ATAD1: variants seen among roughly 807,000 people sequenced by gnomAD.
The protein encoded by ATAD1 is outer mitochondrial transmembrane helix translocase.
ATAD1 carries 18 observed loss-of-function variants against 42.7 expected under a neutral mutation model. The ratio of observed to expected loss-of-function variants is 0.42; its 90% CI spans 0.29 to 0.63. ATAD1 has a LOEUF of 0.63. Ranked by LOEUF, ATAD1 falls within the 20% of genes least tolerant of loss-of-function variation. The pLI is 0.19. For missense variants in ATAD1, 294 were observed against 440.4 expected, an observed-to-expected ratio of 0.67 and a Z score of 2.98; for synonymous variants, 132 against 143.1, an observed-to-expected ratio of 0.92 and a Z score of 0.55.
intron 6 of ATAD1, among the ~76,000 whole-genome samples, chr10:87,772,162 T>G (rs757855594): frequency 1.3e-5 from 2 of 152,180 alleles, no homozygotes; most frequent in Non-Finnish European, 2.9e-5. Flanking sequence ...TAAGTGGTCC[T>G]AAAATCAAAA....
intron 1 of ATAD1, among the ~76,000 whole-genome samples, chr10:87,835,642 A>G (rs915287310): frequency 1.3e-5 from 2 of 152,056 alleles, no homozygotes; most frequent in Non-Finnish European, 2.9e-5. Flanking sequence ...GTGTTTTTCC[A>G]TTTAATGTAA....
intron 1 of ATAD1, among the ~76,000 whole-genome samples, chr10:87,827,136 T>C (rs1305219279): frequency 1.3e-5 from 2 of 152,244 alleles, no homozygotes; most frequent in Non-Finnish European, 2.9e-5. Flanking sequence ...TATGGCTGTT[T>C]TATTCAGTAT....
intron 1 of ATAD1, among the ~76,000 whole-genome samples, chr10:87,825,271 A>G (rs1857703964): frequency 6.7e-6 from 1 of 150,282 alleles, no homozygotes; most frequent in South Asian, 2.1e-4. Flanking sequence ...AGAAGTCAAT[A>G]CTTTGCATGT....
At position 87,818,168 on chromosome 10, in the gene ATAD1, CA is replaced by C. The variant is rs1035167392; in HGVS notation, c.-16del. 1 of 985,686 alleles carries C rather than the reference CA, an allele frequency of 1.0e-6. No homozygotes were observed. The highest frequency in any genetic ancestry group is 1.2e-6 in the Non-Finnish European group (1 of 830,098). The allele number at this position is 985,686 out of a possible 1,614,324, so 61.1% of individuals were successfully genotyped here. A position where few individuals can be genotyped will look rare whatever the true frequency, so the allele number is the denominator to read the frequency against. The stretch of plus-strand genomic sequence containing the variant: ...GCCCCACGGGAACCAGCTACTCACC[CA>C]GGGGCAGAAACAGCAAGAGCAAGTG... On this transcript the variant is annotated splice_region_variant and 5_prime_UTR_variant, in exon 1 of 10. Transcript: ENST00000680024.
upstream of ATAD1, chr10:87,818,667 C>T (rs1480361204): frequency 6.6e-6 from 1 of 152,366 alleles, no homozygotes; most frequent in Non-Finnish European, 1.5e-5. Flanking sequence ...TATGGCCACC[C>T]TCCACTCCTC....
chr10:87,774,446 T>A (rs1380487800), intron 6 of ATAD1, among the ~76,000 whole-genome samples: 1 of 152,148 alleles, frequency 6.6e-6, no homozygotes, highest in Non-Finnish European at 1.5e-5. Context: ...ATTAGAAACA[T>A]GAGTAATAAG....
At chr10:87,787,600 CTG>C (rs958895699) in intron 4 of ATAD1, among the ~76,000 whole-genome samples, 1 of 152,070 alleles carries the variant, frequency 6.6e-6, no homozygotes, top group Non-Finnish European at 1.5e-5. Flanking sequence ...CAGTAAGACT[CTG>C]TCTCCAAAAA....
chr10:87,757,957 G>A (rs1355035051), intron 8 of ATAD1, among the ~76,000 whole-genome samples: 1 of 152,190 alleles, frequency 6.6e-6, no homozygotes, highest in Admixed American at 6.5e-5. Flanking sequence ...GATAAATCAT[G>A]TTTTTTGATA....
Position 87,754,189 on chromosome 10 carries a change from T to C in ATAD1, c.*498A>G, listed in dbSNP as rs1259112589. 6.6e-6 allele frequency: 1 copy of C among 152,668 alleles called. No homozygotes were observed. The highest frequency in any genetic ancestry group is 1.5e-5 in the Non-Finnish European group (1 of 68,042). The allele number at this position is 152,668 out of a possible 1,614,324, so 9.5% of individuals were successfully genotyped here. A position where few individuals can be genotyped will look rare whatever the true frequency, so the allele number is the denominator to read the frequency against. On this transcript the variant is annotated 3_prime_UTR_variant, in exon 10 of 10. Transcript: ENST00000680024. ...AACCTTAAATCTTAGTTTTACTATA[T>C]ATTATTTGGTACTCCTGGATTCAGT...
At chr10:87,761,397 C>G (rs769128841) in intron 8 of ATAD1, among the ~76,000 whole-genome samples, 1 of 152,156 alleles carries the variant, frequency 6.6e-6, no homozygotes, top group Non-Finnish European at 1.5e-5. Context: ...TGGGATGGCT[C>G]ATGCTTGTAA....
intron 5 of ATAD1, among the ~76,000 whole-genome samples, chr10:87,783,166 C>T (rs1056707846): frequency 1.3e-5 from 2 of 151,954 alleles, no homozygotes; most frequent in Non-Finnish European, 2.9e-5. Flanking sequence ...GATTGCTTGG[C>T]CCCAAGAGTT....
chr10:87,758,427 T>A (rs1023142632), intron 8 of ATAD1, among the ~76,000 whole-genome samples: 18 of 152,022 alleles, frequency 1.2e-4, no homozygotes, highest in African/African-American at 4.3e-4. Flanking sequence ...AGAAAAAGCA[T>A]AATAAATGGA....
In ATAD1 at chr10:87,756,805, A is replaced by G; in HGVS notation, c.949T>C (p.Ser317Pro). Residue 317 changes from serine (S) to proline (P), a missense_variant, in exon 9 of 10, where the codon TCT becomes CCT. Physicochemically the swap from Ser to Pro is moderately conservative, Grantham distance 74 (BLOSUM62 -1). Around this residue, in one of 3 missense-constraint regions of ATAD1, gnomAD observed 142 missense variants for 174.6 expected, o/e 0.81. Coordinates refer to ENST00000680024, the MANE Select transcript of ATAD1 (RefSeq NM_001321967.2). ...ALLCVREYVN[S>P]TSEESHDEDE... ...ATAACATACCTTTCTTCTGATGTAG[A>G]ATTAACATATTCTCTAACACAGAGG... 6.2e-7 allele frequency: 1 copy of G among 1,604,782 alleles called. No homozygotes were observed.
chr10:87,765,010 A>C (rs1301542706), intron 8 of ATAD1, among the ~76,000 whole-genome samples: 1 of 152,208 alleles, frequency 6.6e-6, no homozygotes, highest in Non-Finnish European at 1.5e-5. Context: ...TAATGAAAAT[A>C]ATGACTTACT....
chr10:87,765,689 C>T (rs1854708850), intron 8 of ATAD1, among the ~76,000 whole-genome samples: 2 of 152,064 alleles, frequency 1.3e-5, no homozygotes, highest in African/African-American at 2.4e-5. Context: ...CTTAAACATA[C>T]AATATTCATT....
At chr10:87,833,961 C>T (rs1382348591) in intron 1 of ATAD1, among the ~76,000 whole-genome samples, 1 of 152,118 alleles carries the variant, frequency 6.6e-6, no homozygotes, top group Admixed American at 6.6e-5. Flanking sequence ...GGTGATCTGC[C>T]TGCCTTAGCC....
chr10:87,786,828 G>A (rs750778773), intron 4 of ATAD1, among the ~76,000 whole-genome samples: 26 of 152,148 alleles, frequency 1.7e-4, no homozygotes, highest in Admixed American at 3.3e-4. Context: ...GGTGGTGCAC[G>A]CCTGTAATCC....
chr10:87,776,145 C>T (rs1053007752), intron 6 of ATAD1, among the ~76,000 whole-genome samples, 176 bp downstream of exon 6: 1 of 152,120 alleles, frequency 6.6e-6, no homozygotes, highest in African/African-American at 2.4e-5. Flanking sequence ...AACACGAAGT[C>T]CTCAAATTGG....
chr10:87,775,270 A>G (rs1232612901), intron 6 of ATAD1, among the ~76,000 whole-genome samples: 1 of 151,412 alleles, frequency 6.6e-6, no homozygotes, highest in Non-Finnish European at 1.5e-5. Context: ...AAAATACAAA[A>G]ATTAGCTGGG....
Sources: allele counts gnomAD v4.1 joint callset (sites outside exome capture counted in the v4.1 genomes callset), GRCh38; gene constraint gnomAD v4.1.1; regional missense constraint gnomAD v4.1.1; transcripts MANE v1.5; gene names NCBI Gene and HGNC (gene_info 2026-07-23, HGNC 2026-07-21).